TRUB2: variants seen among roughly 807,000 people sequenced by gnomAD.
TRUB2 encodes the protein TruB pseudouridine synthase family member 2.
A neutral mutation model predicts 31.9 loss-of-function variants in TRUB2; 31 were observed. The observed-to-expected ratio is 0.97, with a 90% CI of 0.73 to 1.31. The LOEUF (loss-of-function observed/expected upper bound fraction) is 1.31. Ranked by LOEUF, TRUB2 falls within the 50% of genes most tolerant of loss-of-function variation. The pLI is 0.00. For synonymous variants in TRUB2, 201 were observed against 182.6 expected (o/e 1.10, Z -0.81); for missense variants, 451 against 439.6 (o/e 1.03, Z -0.23).
Position 128,305,590 on chromosome 9 carries a change from T to C in TRUB2, c.*3960A>G, listed in dbSNP as rs964009848. On this transcript the variant is annotated 3_prime_UTR_variant, in exon 8 of 8. Transcript: ENST00000372890. ...TTTTGGTAGAGACAGGGTTTCACCA[T>C]ATTGGCCAGGCTGGTCTCGAACTCC... is the stretch of plus-strand genomic sequence containing the variant. 2 of 152,326 alleles carry C rather than the reference T, an allele frequency of 1.3e-5. No homozygotes were observed. Among genetic ancestry groups the C allele is most frequent in the Non-Finnish European group, 2.9e-5 (2 of 68,140 alleles). 9.4% of individuals were successfully genotyped at this position (152,326 alleles called of 1,614,324 possible). A position where few individuals can be genotyped will look rare whatever the true frequency, so the allele number is the denominator to read the frequency against.
rs79314995 is a variant in TRUB2 at position 128,321,362 on chromosome 9, A to G, written c.241+237T>C. Among the ~76,000 whole-genome samples, 570 of 152,340 alleles carry G rather than the reference A, an allele frequency of 3.7e-3. 19 individuals carry two copies. In the East Asian group the frequency reaches 0.086, roughly 23 times the overall value. On this transcript the variant is annotated intron_variant, in intron 2 of 7. Transcript: ENST00000372890. ...GCTCATTCCTTTAGATACTGTCTAT[A>G]GCTGTTTGGCACTACATTGGCAGAG...
In TRUB2 at chr9:128,309,820, G is replaced by A. The variant is rs2231641; in HGVS notation, c.726C>T (p.Ile242=). 10,496 of 1,614,188 alleles carry A rather than the reference G, an allele frequency of 6.5e-3. 64 individuals are homozygous for A. The highest frequency in any genetic ancestry group is 0.014 in the East Asian group (637 of 44,892). ...CAGCAGTGGTCTTTAGTTCCAGGCC[G>A]ATTTCATGAACCAACTTCCGCAGCT... ...QKELRKLVHE[I]GLELKTTAVC... The change falls in exon 8 of 8, where the codon ATC becomes ATT. Residue 242 remains isoleucine (I), a synonymous_variant. Transcript: ENST00000372890.
rs1344630401 is a variant in TRUB2, at chr9:128,313,819, T to G, written c.449A>C (p.Lys150Thr). ...DFREDGRLVE[K>T]TTYDHVTREK... The stretch of plus-strand genomic sequence containing the variant: ...CTTCCGGTTCTCACCATAGGTTGTC[T>G]TCTCTACCAGCCTCCCGTCCTCACG... The change falls in exon 5 of 8, where the codon AAG (lysine) becomes ACG (threonine). Residue 150 changes from lysine to threonine, a missense_variant. Physicochemically the swap from Lys to Thr is moderately conservative, Grantham distance 78 (BLOSUM62 -1). Coordinates refer to ENST00000372890, the MANE Select transcript of TRUB2 (RefSeq NM_015679.3). The G allele has an allele frequency of 3.1e-6, 5 of 1,614,068 alleles. No individual in the cohort carries two copies. Among genetic ancestry groups the G allele is most frequent in the Non-Finnish European group, 4.2e-6 (5 of 1,180,028 alleles).
intron 5 of TRUB2, 63 bp from the exon 6 acceptor site, chr9:128,311,664 C>T: frequency 6.4e-7 from 1 of 1,569,042 alleles, no homozygotes. Context: ...CAGCAAACTC[C>T]TTCCCCCCAG....
rs1017339684 is a variant in TRUB2 at position 128,307,798 on chromosome 9, G to A, written c.*1752C>T. Reference sequence around the variant, plus strand: ...CACGCCTGCAGTCCCAGCTATTCTGGAAGCTGAGGTGGGAAGATGGTTAAG... The same window carrying A: ...CACGCCTGCAGTCCCAGCTATTCTGAAAGCTGAGGTGGGAAGATGGTTAAG... On this transcript the variant is annotated 3_prime_UTR_variant, in exon 8 of 8. Coordinates refer to ENST00000372890, the MANE Select transcript of TRUB2 (RefSeq NM_015679.3). 2 of 152,064 alleles carry A rather than the reference G, an allele frequency of 1.3e-5. No individual in the cohort carries two copies. Among genetic ancestry groups the A allele is most frequent in the East Asian group, 1.9e-4 (1 of 5,152 alleles). The allele number at this position is 152,064 out of a possible 1,614,324, so 9.4% of individuals were successfully genotyped here. A position where few individuals can be genotyped will look rare whatever the true frequency, so the allele number is the denominator to read the frequency against.
intron 6 of TRUB2, 158 bp from the exon 7 acceptor site, chr9:128,311,181 A>G: frequency 9.6e-7 from 1 of 1,040,346 alleles, no homozygotes. Flanking sequence ...TGCCTGGTAG[A>G]GTCAGGAAAC....
In TRUB2 at chr9:128,308,156, G is replaced by A. The variant is rs1831897933; in HGVS notation, c.*1394C>T. The A allele has an allele frequency of 6.6e-6, 1 of 151,970 alleles. No homozygotes were observed. 9.4% of individuals were successfully genotyped at this position (151,970 alleles called of 1,614,324 possible). ...GAGGCAGGAGAATCGCTTGAACCTG[G>A]GAGGCAGAGGTTGCAGTGAGCTGAG... On this transcript the variant is annotated 3_prime_UTR_variant, in exon 8 of 8. Transcript: ENST00000372890.
intron 5 of TRUB2, 123 bp downstream of exon 5, chr9:128,313,685 G>A: frequency 1.2e-6 from 1 of 846,696 alleles, no homozygotes; most frequent in South Asian, 1.5e-5. Context: ...CGTGGCCAAA[G>A]CCTCAGCCCA....
chr9:128,317,930 G>A (rs1443210265), intron 2 of TRUB2, among the ~76,000 whole-genome samples: 20 of 152,118 alleles, frequency 1.3e-4, no homozygotes, highest in Admixed American at 7.9e-4. Flanking sequence ...CAAGTCCAAC[G>A]GGTTTTTGAG....
At chr9:128,321,457 A>C in intron 2 of TRUB2, 142 bp downstream of exon 2, 1 of 1,436,252 alleles carries the variant, frequency 7.0e-7, no homozygotes. Flanking sequence ...TTTCCAAGGA[A>C]ATCTGCCAAT....
At chr9:128,315,328 T>A (rs1451675186) in intron 4 of TRUB2, among the ~76,000 whole-genome samples, 2 of 152,226 alleles carry the variant, frequency 1.3e-5, no homozygotes, top group Non-Finnish European at 2.9e-5. Context: ...ACAGGGAGGC[T>A]GTGAGGCTTC....
intron 7 of TRUB2, among the ~76,000 whole-genome samples, chr9:128,310,552 G>GT (rs1416520105): frequency 1.3e-5 from 2 of 151,992 alleles, no homozygotes; most frequent in African/African-American, 4.8e-5. Context: ...GACTGGGGAC[G>GT]TAAGAGTTGT....
Position 128,308,520 on chromosome 9 carries a change from C to G in TRUB2, c.*1030G>C, listed in dbSNP as rs1831905505. On this transcript the variant is annotated 3_prime_UTR_variant, in exon 8 of 8. Transcript: ENST00000372890. ...CTGCACTCCAGCCTGGGCCACAAAG[C>G]AAGTCTCAAAAACAAAAACAAAAAC... 6.8e-6 allele frequency: 1 copy of G among 148,026 alleles called. No homozygotes were observed. The highest frequency in any genetic ancestry group is 2.5e-5 in the African/African-American group (1 of 40,086). The allele number at this position is 148,026 out of a possible 1,614,324, so 9.2% of individuals were successfully genotyped here.
In TRUB2 at chr9:128,320,464, CT is replaced by C. The variant is rs1303111481; in HGVS notation, c.241+1134del. Among the ~76,000 whole-genome samples the C allele has an allele frequency of 1.2e-4, 18 of 152,164 alleles. No homozygotes were observed. In the Middle Eastern group the frequency reaches 0.014, roughly 115 times the overall value. On this transcript the variant is annotated intron_variant, in intron 2 of 7. Coordinates refer to ENST00000372890, the MANE Select transcript of TRUB2 (RefSeq NM_015679.3). Reference sequence around the variant, plus strand: ...TCTCCTGCCTCAGCCTCCTGAGAACCTGGGATTATAGGCATGTGCCACCACA... The same window carrying C: ...TCTCCTGCCTCAGCCTCCTGAGAACCGGGATTATAGGCATGTGCCACCACA...
At position 128,310,551 on chromosome 9, in the gene TRUB2, C is replaced by T. The variant is rs59849185; in HGVS notation, c.670+336G>A. On this transcript the variant is annotated intron_variant, in intron 7 of 7. Transcript: ENST00000372890. ...GGCCTGAGCTGGGTGGGACTGGGGA[C>T]GTAAGAGTTGTGTCTGATGGAGCCC... Among the ~76,000 whole-genome samples the T allele has an allele frequency of 1.0e-2, 1,518 of 151,802 alleles. 29 individuals carry two copies. The highest frequency in any genetic ancestry group is 0.056 in the East Asian group (285 of 5,130).
intron 1 of TRUB2, 43 bp downstream of exon 1, chr9:128,322,257 A>G (rs769079958): frequency 1.3e-6 from 2 of 1,547,270 alleles, no homozygotes; most frequent in African/African-American, 2.7e-5. Flanking sequence ...TGGACTTCCA[A>G]GAGAACGAGA....
Position 128,307,038 on chromosome 9 carries a change from C to T in TRUB2, c.*2512G>A, listed in dbSNP as rs1323568041. 6.6e-6 allele frequency: 1 copy of T among 152,038 alleles called. No individual in the cohort carries two copies. Among genetic ancestry groups the T allele is most frequent in the Non-Finnish European group, 1.5e-5 (1 of 68,040 alleles). The allele number at this position is 152,038 out of a possible 1,614,324, so 9.4% of individuals were successfully genotyped here. On this transcript the variant is annotated 3_prime_UTR_variant, in exon 8 of 8. Transcript: ENST00000372890. Reference sequence around the variant, plus strand: ...TTGGGAGGCTGAAGCGGGCAGATCACCTGAGGTCAGGACTTTGAGACCAGC... The same window carrying T: ...TTGGGAGGCTGAAGCGGGCAGATCATCTGAGGTCAGGACTTTGAGACCAGC...
At position 128,306,683 on chromosome 9, in the gene TRUB2, A is replaced by G. The variant is rs1419334087; in HGVS notation, c.*2867T>C. The stretch of plus-strand genomic sequence containing the variant: ...GAACTCCTGACCTCGTGATCCGCCC[A>G]CCCTGGCCTCCCAAAGTGCTGGGAT... On this transcript the variant is annotated 3_prime_UTR_variant, in exon 8 of 8. Transcript: ENST00000372890. 6.9e-6 allele frequency: 1 copy of G among 145,950 alleles called. No homozygotes were observed. The highest frequency in any genetic ancestry group is 1.5e-5 in the Non-Finnish European group (1 of 66,864). 9.0% of individuals were successfully genotyped at this position (145,950 alleles called of 1,614,324 possible).
At chr9:128,317,299 C>G (rs1588527429) in intron 2 of TRUB2, 73 bp from the exon 3 acceptor site, 1 of 1,423,452 alleles carries the variant, frequency 7.0e-7, no homozygotes, top group East Asian at 2.5e-5. Flanking sequence ...TGCATGTTGA[C>G]CTCGTTCTCA....
Sources: allele counts gnomAD v4.1 joint callset (sites outside exome capture counted in the v4.1 genomes callset), GRCh38; gene constraint gnomAD v4.1.1; transcripts MANE v1.5; gene names NCBI Gene and HGNC (gene_info 2026-07-23, HGNC 2026-07-21).